Variants in FAM171A1 observed in about 807,000 individuals in gnomAD.
FAM171A1 encodes the protein protein FAM171A1.
A neutral mutation model predicts 74.9 loss-of-function variants in FAM171A1; 23 were observed. The observed-to-expected ratio is 0.31, with a 90% CI of 0.22 to 0.44. The LOEUF is 0.44. FAM171A1 is among the 20% of genes least tolerant of loss of function. The pLI is 1.00. For synonymous variants in FAM171A1, 527 were observed against 505.7 expected (o/e 1.04, Z -0.57); for missense variants, 1,162 against 1,159.2 (o/e 1.00, Z -0.03).
upstream of FAM171A1, among the ~76,000 whole-genome samples, chr10:15,372,756 A>T (rs915209140): frequency 6.6e-6 from 1 of 151,882 alleles, no homozygotes; most frequent in Admixed American, 6.6e-5. Flanking sequence ...CACACACAAA[A>T]CAAAACCAAA....
At chr10:15,338,903 G>C (rs1009052555) in intron 1 of FAM171A1, among the ~76,000 whole-genome samples, 8 of 152,140 alleles carry the variant, frequency 5.3e-5, no homozygotes, top group Non-Finnish European at 1.2e-4. Context: ...ACCACGCCTA[G>C]CTAATTTTTT....
At chr10:15,276,548 C>T (rs745560861) in intron 2 of FAM171A1, among the ~76,000 whole-genome samples, 6 of 152,176 alleles carry the variant, frequency 3.9e-5, no homozygotes, top group Non-Finnish European at 8.8e-5. Context: ...GTATACACTA[C>T]ATGAATGTAG....
chr10:15,297,816 T>C (rs946398601), intron 1 of FAM171A1, among the ~76,000 whole-genome samples: 2 of 152,226 alleles, frequency 1.3e-5, no homozygotes, highest in Admixed American at 1.3e-4. Flanking sequence ...GTTCATTCTC[T>C]ATTACTGGAC....
At chr10:15,288,107 T>C (rs1835059746) in intron 1 of FAM171A1, among the ~76,000 whole-genome samples, 1 of 152,238 alleles carries the variant, frequency 6.6e-6, no homozygotes. Context: ...ATTCCTTTCA[T>C]GGCTGATAAG....
Position 15,311,549 on chromosome 10 carries a change from T to G in FAM171A1, c.98-27444A>C, listed in dbSNP as rs148725470. Among the ~76,000 whole-genome samples, 715 of 152,306 alleles carry G rather than the reference T, an allele frequency of 4.7e-3. 4 individuals are homozygous for G. Among genetic ancestry groups the G allele is most frequent in the Non-Finnish European group, 7.0e-3 (475 of 68,028 alleles). ...TTAAAAATGAGAAATAAATTTAGCTTCATCTCCATATATCCTGGGATTCCC... is the reference window on the plus strand; with the variant it reads ...TTAAAAATGAGAAATAAATTTAGCTGCATCTCCATATATCCTGGGATTCCC... On this transcript the variant is annotated intron_variant, in intron 1 of 7. Coordinates refer to ENST00000378116, the MANE Select transcript of FAM171A1 (RefSeq NM_001010924.2).
chr10:15,224,571 A>G (rs1834080858), intron 5 of FAM171A1, among the ~76,000 whole-genome samples: 1 of 151,982 alleles, frequency 6.6e-6, no homozygotes, highest in Non-Finnish European at 1.5e-5. Context: ...CTGGTGGGAG[A>G]TAACTGAATC....
At chr10:15,263,741 G>GTCTGTCTA (rs1428115509) in intron 3 of FAM171A1, among the ~76,000 whole-genome samples, 13,493 of 140,534 alleles carry the variant, frequency 0.096, 616 homozygotes, top group Admixed American at 0.11. Context: ...CTATCTGTCT[G>GTCTGTCTA]TCTATCTATC....
intron 1 of FAM171A1, among the ~76,000 whole-genome samples, chr10:15,310,076 G>A (rs1232179092): frequency 2.0e-5 from 3 of 152,188 alleles, no homozygotes; most frequent in African/African-American, 7.2e-5. Context: ...ATACTTGATA[G>A]TCAAATTTTC....
At chr10:15,326,616 G>T (rs1835558071) in intron 1 of FAM171A1, among the ~76,000 whole-genome samples, 1 of 151,222 alleles carries the variant, frequency 6.6e-6, no homozygotes, top group South Asian at 2.1e-4. Flanking sequence ...ACCCAGCTAG[G>T]TTTCTTACAA....
intron 1 of FAM171A1, among the ~76,000 whole-genome samples, chr10:15,332,731 C>T (rs182161901): frequency 6.6e-6 from 1 of 152,272 alleles, no homozygotes; most frequent in Admixed American, 6.5e-5. Context: ...CCATTACCTA[C>T]AGTGATCTCC....
chr10:15,271,726 T>C (rs924599634), intron 3 of FAM171A1, among the ~76,000 whole-genome samples: 3 of 152,166 alleles, frequency 2.0e-5, no homozygotes, highest in Non-Finnish European at 4.4e-5. Context: ...TGGGGGCCAA[T>C]ATTCAACATT....
At chr10:15,327,507 T>A (rs1346897275) in intron 1 of FAM171A1, among the ~76,000 whole-genome samples, 1 of 152,042 alleles carries the variant, frequency 6.6e-6, no homozygotes, top group Non-Finnish European at 1.5e-5. Context: ...AGAAATTAGC[T>A]GGGCGTGCTA....
rs1588489513 is a variant in FAM171A1, at chr10:15,213,133, C to T, written c.2455G>A (p.Gly819Arg). ...EDSALRCLLE[G>R]SSRRSGGQLP... is the part of the protein sequence containing the mutation. ...TGGCCACCACTTCTCCGACTCGACCCCTCCAACAAGCATCGCAGGGCACTG... is the reference window on the plus strand; with the variant it reads ...TGGCCACCACTTCTCCGACTCGACCTCTCCAACAAGCATCGCAGGGCACTG... Residue 819 changes from glycine to arginine, a missense_variant, in exon 8 of 8, where the codon GGG becomes AGG. Coordinates refer to ENST00000378116, the MANE Select transcript of FAM171A1 (RefSeq NM_001010924.2). This position sits in a 1 kb window ranked among gnomAD's most constrained non-coding sequence, Gnocchi z 6.8. The T allele has an allele frequency of 6.2e-7, 1 of 1,614,064 alleles. No homozygotes were observed.
At chr10:15,302,181 T>C (rs967465381) in intron 1 of FAM171A1, among the ~76,000 whole-genome samples, 5 of 152,126 alleles carry the variant, frequency 3.3e-5, no homozygotes, top group African/African-American at 1.2e-4. Context: ...ATGTTGTTCT[T>C]GGCCAGGTGC....
At chr10:15,374,175 A>G (rs1588578103), upstream of FAM171A1, among the ~76,000 whole-genome samples, 1 of 152,340 alleles carries the variant, frequency 6.6e-6, no homozygotes, top group South Asian at 2.1e-4. Flanking sequence ...GGAGAAGTTT[A>G]TGTACCCTCA....
intron 1 of FAM171A1, among the ~76,000 whole-genome samples, chr10:15,309,142 A>G (rs1332627544): frequency 1.3e-5 from 2 of 152,212 alleles, no homozygotes; most frequent in African/African-American, 4.8e-5. Flanking sequence ...CAATAAATTA[A>G]TGGATGTACA....
chr10:15,217,187 A>G (rs1833978075), intron 6 of FAM171A1, among the ~76,000 whole-genome samples: 1 of 152,232 alleles, frequency 6.6e-6, no homozygotes, highest in Admixed American at 6.5e-5. Flanking sequence ...TATGTTCCGT[A>G]GTAGTACAAA....
intron 1 of FAM171A1, among the ~76,000 whole-genome samples, chr10:15,333,381 T>C (rs1835663987): frequency 6.6e-6 from 1 of 152,136 alleles, no homozygotes; most frequent in Non-Finnish European, 1.5e-5. Context: ...GTGCCTGTAA[T>C]CCCAGTTACC....
chr10:15,328,598 G>C (rs1835587250), intron 1 of FAM171A1, among the ~76,000 whole-genome samples: 1 of 152,372 alleles, frequency 6.6e-6, no homozygotes, highest in African/African-American at 2.4e-5. Context: ...ATTAGCTCAA[G>C]CTCGGGTTTT....
Sources: allele counts gnomAD v4.1 joint callset (sites outside exome capture counted in the v4.1 genomes callset), GRCh38; gene constraint gnomAD v4.1.1; non-coding constraint Gnocchi (gnomAD v3.1); transcripts MANE v1.5; gene names NCBI Gene and HGNC (gene_info 2026-07-23, HGNC 2026-07-21).